The following PMF1 variants were observed in gnomAD, a reference collection of about 807,000 sequenced individuals.
PMF1 encodes polyamine-modulated factor 1.
Under a neutral mutation model 26.7 loss-of-function variants are expected in PMF1, and 21 were observed. The ratio of observed to expected loss-of-function variants is 0.79; its 90% CI spans 0.56 to 1.13. The LOEUF (loss-of-function observed/expected upper bound fraction) is 1.13, where lower values mean the gene tolerates loss of function less well. PMF1 is among the 50% of genes most tolerant of loss of function. The pLI is 0.00. For synonymous variants in PMF1, 105 were observed against 101.0 expected (o/e 1.04, Z -0.24); for missense variants, 266 against 254.9 (o/e 1.04, Z -0.30).
At chr1:156,217,505 C>T (rs960401014) in intron 1 of PMF1, among the ~76,000 whole-genome samples, 1 of 152,040 alleles carries the variant, frequency 6.6e-6, no homozygotes, top group African/African-American at 2.4e-5. Flanking sequence ...GTGGGTGGAT[C>T]ACTTGAGGTC....
At chr1:156,233,821 G>A in intron 3 of PMF1, 93 bp downstream of exon 3, 2 of 1,231,778 alleles carry the variant, frequency 1.6e-6, no homozygotes, top group Non-Finnish European at 2.2e-6. Flanking sequence ...TCACTATGTT[G>A]GCCAGGCTGG....
At chr1:156,217,014 A>G (rs1404711019) in intron 1 of PMF1, among the ~76,000 whole-genome samples, 1 of 151,732 alleles carries the variant, frequency 6.6e-6, no homozygotes, top group Non-Finnish European at 1.5e-5. Context: ...ATTCTAACTC[A>G]TAGGTGGGAA....
chr1:156,236,700 G>A (rs1051094378), intron 4 of PMF1: 2 of 649,360 alleles, frequency 3.1e-6, no homozygotes, highest in African/African-American at 3.6e-5. Flanking sequence ...ACCAGGCACA[G>A]GCATGTGTTC....
chr1:156,221,134 C>T (rs1572484901), intron 1 of PMF1, among the ~76,000 whole-genome samples: 1 of 152,052 alleles, frequency 6.6e-6, no homozygotes, highest in African/African-American at 2.4e-5. Context: ...GAATGTTGCC[C>T]TCTCCTTACT....
At chr1:156,225,654 C>T in intron 1 of PMF1, 1 of 1,558,452 alleles carries the variant, frequency 6.4e-7, no homozygotes, top group Non-Finnish European at 8.7e-7. Flanking sequence ...GTGCAGGTTA[C>T]CACAGGGGAG....
At chr1:156,237,465 T>TC (rs71080754) in intron 4 of PMF1, among the ~76,000 whole-genome samples, 2 of 149,912 alleles carry the variant, frequency 1.3e-5, no homozygotes, top group Non-Finnish European at 3.0e-5. Context: ...TTTTTTTTTT[T>TC]AGACAGAGTC....
chr1:156,215,696 T>A (rs961752594), intron 1 of PMF1, among the ~76,000 whole-genome samples: 5 of 152,028 alleles, frequency 3.3e-5, no homozygotes, highest in African/African-American at 1.2e-4. Flanking sequence ...CCGTCCCATT[T>A]ATTTATTTAT....
chr1:156,238,884 C>CG (rs1407950679), intron 4 of PMF1, among the ~76,000 whole-genome samples: 5 of 151,410 alleles, frequency 3.3e-5, no homozygotes, highest in African/African-American at 4.9e-5. Context: ...TGACAAAGGC[C>CG]CCCCCCCCAA....
intron 4 of PMF1, among the ~76,000 whole-genome samples, chr1:156,237,738 C>T (rs375137674): frequency 6.6e-6 from 1 of 151,356 alleles, no homozygotes; most frequent in Non-Finnish European, 1.5e-5. Flanking sequence ...TGAGCCACCA[C>T]ACCTGGCCCC....
At chr1:156,232,156 G>A (rs895081204) in intron 1 of PMF1, among the ~76,000 whole-genome samples, 164 bp from the exon 2 acceptor site, 2 of 152,156 alleles carry the variant, frequency 1.3e-5, no homozygotes, top group Non-Finnish European at 2.9e-5. Flanking sequence ...AACCATCCTC[G>A]GTGACTCGTG....
At chr1:156,233,878 A>G in intron 3 of PMF1, 150 bp downstream of exon 3, 1 of 706,510 alleles carries the variant, frequency 1.4e-6, no homozygotes, top group Non-Finnish European at 2.3e-6. Flanking sequence ...GACCTCCCAA[A>G]GTGCTGGGAT....
rs760820649 is a variant in PMF1, at chr1:156,213,168, CGCCGGCAGGTAAAGTGGACGCA to C, written c.158_161+18del. On this transcript the variant is annotated splice_donor_variant and splice_donor_5th_base_variant and coding_sequence_variant and intron_variant, in exon 1 of 5. Coordinates refer to ENST00000368277, the MANE Select transcript of PMF1 (RefSeq NM_007221.4). LOFTEE classifies it high-confidence loss of function. ...ACACTTTTCTTCAGAAGCTGGTCGC[CGCCGGCAGGTAAAGTGGACGCA>C]GCCGCGGTGGGAGTGTTTGTTGGCA... The C allele has an allele frequency of 5.6e-6, 9 of 1,612,676 alleles. No individual in the cohort carries two copies. In the Admixed American group the frequency reaches 1.0e-4, roughly 18 times the overall value.
At chr1:156,229,203 T>C (rs2758603) in intron 1 of PMF1, among the ~76,000 whole-genome samples, 55,499 of 151,834 alleles carry the variant, frequency 0.37, 10,262 homozygotes, top group African/African-American at 0.41. Context: ...CCACCGCGCC[T>C]GGCCTACTGT....
rs60677305 is a variant in PMF1, at chr1:156,216,216, C to A, written c.161+3040C>A. 1.6e-3 allele frequency among the ~76,000 whole-genome samples: 240 copies of A among 151,976 alleles called. 1 individual carries two copies. Among genetic ancestry groups the A allele is most frequent in the African/African-American group, 5.6e-3 (233 of 41,460 alleles). ...GACCAGCCTGGCCAATGTAGCGAAACCCCATCTCTACTACAAATATAAAAA... is the reference window on the plus strand; with the variant it reads ...GACCAGCCTGGCCAATGTAGCGAAAACCCATCTCTACTACAAATATAAAAA... On this transcript the variant is annotated intron_variant, in intron 1 of 4. Coordinates refer to ENST00000368277, the MANE Select transcript of PMF1 (RefSeq NM_007221.4).
At chr1:156,223,972 C>G (rs1273270958) in intron 1 of PMF1, 1 of 152,168 alleles carries the variant, frequency 6.6e-6, no homozygotes, top group Admixed American at 6.5e-5. Context: ...ATACAATTAT[C>G]CTGCTGGCAT....
chr1:156,233,781 C>CTT (rs57899002), intron 3 of PMF1, 53 bp downstream of exon 3: 6,115 of 1,240,582 alleles, frequency 4.9e-3, no homozygotes, highest in South Asian at 7.7e-3. Flanking sequence ...AGCAATTAAG[C>CTT]TTTTTTTTTT....
intron 1 of PMF1, among the ~76,000 whole-genome samples, chr1:156,228,620 C>T (rs1475375009): frequency 6.6e-6 from 1 of 152,170 alleles, no homozygotes; most frequent in Non-Finnish European, 1.5e-5. Context: ...GCCCTATCCG[C>T]TGTCAGCTGC....
chr1:156,215,077 C>T (rs1657627861), intron 1 of PMF1, among the ~76,000 whole-genome samples: 1 of 135,588 alleles, frequency 7.4e-6, no homozygotes, highest in Non-Finnish European at 1.6e-5. Flanking sequence ...CAGGGTTTCA[C>T]CATGTTGGCC....
Position 156,213,032 on chromosome 1 carries a change from G to T in PMF1, c.17G>T (p.Ser6Ile), listed in dbSNP as rs778448047. The T allele has an allele frequency of 1.1e-5, 17 of 1,614,078 alleles. No homozygotes were observed. Among genetic ancestry groups the T allele is most frequent in the Admixed American group, 6.7e-5 (4 of 60,016 alleles). MAEAS[S>I]ANLGSGCEEK... ...AACTTCAACATGGCCGAAGCAAGTA[G>T]CGCCAATCTAGGCAGCGGCTGTGAG... is the stretch of plus-strand genomic sequence containing the variant. The change falls in exon 1 of 5, where the codon AGC (serine) becomes ATC (isoleucine). Residue 6 changes from serine to isoleucine, a missense_variant. Ser to Ile is a moderately radical substitution (Grantham distance 142). Coordinates refer to ENST00000368277, the MANE Select transcript of PMF1 (RefSeq NM_007221.4).
Sources: gnomAD v4.1 joint callset for allele counts (sites outside exome capture counted in the v4.1 genomes callset) on GRCh38, gnomAD v4.1.1 for gene constraint, MANE v1.5 for transcripts, NCBI Gene and HGNC (gene_info 2026-07-23, HGNC 2026-07-21) for gene names.